The following TTC39B variants were observed in gnomAD, a reference collection of about 807,000 sequenced individuals.
TTC39B encodes tetratricopeptide repeat protein 39B.
A neutral mutation model predicts 96.6 loss-of-function variants in TTC39B; 92 were observed. The ratio of observed to expected loss-of-function variants is 0.95; its 90% CI spans 0.80 to 1.13. TTC39B has a LOEUF of 1.13. Among genes scored for constraint, TTC39B ranks in the 50% most tolerant of loss-of-function variants. The pLI is 0.00. For missense variants in TTC39B, 955 were observed against 809.3 expected (o/e 1.18, Z -2.18); for synonymous variants, 367 against 299.4 (o/e 1.23, Z -2.33).
chr9:15,258,764 C>T (rs10961941), intron 2 of TTC39B, among the ~76,000 whole-genome samples: 47,248 of 151,912 alleles, frequency 0.31, 10,738 homozygotes, highest in African/African-American at 0.65. Flanking sequence ...ACCCCAACCA[C>T]GACTCAGTCT....
exon 20 of TTC39B, chr9:15,165,621 T>G (rs1817503440): frequency 6.6e-6 from 1 of 152,174 alleles, no homozygotes; most frequent in Non-Finnish European, 1.5e-5. Context: ...CTTAGAATAA[T>G]GGCGGAAGGC....
intron 2 of TTC39B, among the ~76,000 whole-genome samples, chr9:15,228,253 C>A (rs1821234010): frequency 6.6e-6 from 1 of 152,132 alleles, no homozygotes; most frequent in Admixed American, 6.5e-5. Flanking sequence ...CACTTGAGGT[C>A]AGGAGTTTGA....
At chr9:15,216,680 C>A (rs1456506425) in intron 3 of TTC39B, among the ~76,000 whole-genome samples, 2 of 152,196 alleles carry the variant, frequency 1.3e-5, no homozygotes, top group African/African-American at 2.4e-5. Flanking sequence ...AGACCCATTT[C>A]TTTCCCCATC....
At chr9:15,250,597 T>C (rs910369706) in intron 2 of TTC39B, among the ~76,000 whole-genome samples, 2 of 152,316 alleles carry the variant, frequency 1.3e-5, no homozygotes, top group East Asian at 1.9e-4. Context: ...AACACATATA[T>C]GACATGACAG....
chr9:15,239,616 C>T (rs991784602), intron 2 of TTC39B, among the ~76,000 whole-genome samples: 1 of 152,164 alleles, frequency 6.6e-6, no homozygotes, highest in African/African-American at 2.4e-5. Flanking sequence ...TTTGCGGCAA[C>T]TTGAATGGCT....
chr9:15,237,624 T>C (rs758030519), intron 2 of TTC39B, among the ~76,000 whole-genome samples: 32 of 142,248 alleles, frequency 2.2e-4, no homozygotes, highest in Admixed American at 4.2e-4. Context: ...AAGTAAGTAA[T>C]GAAATTAAAC....
intron 17 of TTC39B, among the ~76,000 whole-genome samples, chr9:15,178,025 ACGCCCGGC>A (rs1209549538): frequency 6.6e-6 from 1 of 151,748 alleles, no homozygotes; most frequent in African/African-American, 2.4e-5. Context: ...GCCCACCACC[ACGCCCGGC>A]TAATTTTTTG....
intron 2 of TTC39B, among the ~76,000 whole-genome samples, chr9:15,240,820 A>T (rs936521470): frequency 1.3e-5 from 2 of 152,188 alleles, no homozygotes; most frequent in African/African-American, 4.8e-5. Context: ...TAAAAAAGTC[A>T]GTTCTTGAAT....
chr9:15,177,945 C>T (rs569206898), intron 17 of TTC39B, 131 bp from the exon 18 acceptor site: 1 of 494,748 alleles, frequency 2.0e-6, no homozygotes. Flanking sequence ...TCTCGGCTCA[C>T]TGCAAGCTCC....
At chr9:15,244,870 G>A (rs915714276) in intron 2 of TTC39B, among the ~76,000 whole-genome samples, 1 of 152,128 alleles carries the variant, frequency 6.6e-6, no homozygotes, top group South Asian at 2.1e-4. Flanking sequence ...AAAACAAAGA[G>A]TAACAAAGTT....
chr9:15,175,207 T>C (rs1817868817), intron 18 of TTC39B, 72 bp from the exon 19 acceptor site: 3 of 1,055,098 alleles, frequency 2.8e-6, no homozygotes, highest in Non-Finnish European at 4.3e-6. Flanking sequence ...ATATATATTA[T>C]TCCCATTCTT....
intron 1 of TTC39B, among the ~76,000 whole-genome samples, chr9:15,300,937 T>G (rs185017762): frequency 6.6e-6 from 1 of 151,784 alleles, no homozygotes; most frequent in East Asian, 1.9e-4. Flanking sequence ...GTTCCCATTT[T>G]TTAGGAGATA....
intron 1 of TTC39B, among the ~76,000 whole-genome samples, chr9:15,272,502 T>C (rs1242220872): frequency 1.3e-5 from 2 of 152,082 alleles, no homozygotes; most frequent in Admixed American, 1.3e-4. Flanking sequence ...GGTGTTTAGT[T>C]CCCTCCTTAA....
intron 2 of TTC39B, among the ~76,000 whole-genome samples, chr9:15,236,595 C>G (rs1017298272): frequency 1.3e-5 from 2 of 152,076 alleles, no homozygotes; most frequent in Non-Finnish European, 2.9e-5. Context: ...TCAATAAAAT[C>G]AAATAAATGA....
exon 20 of TTC39B, chr9:15,171,951 A>T: frequency 8.3e-7 from 1 of 1,206,798 alleles, no homozygotes. Context: ...TTTCCACTTT[A>T]ATATAAGGTT....
chr9:15,173,128 T>C (rs1475236559), intron 19 of TTC39B, among the ~76,000 whole-genome samples: 5 of 152,220 alleles, frequency 3.3e-5, no homozygotes, highest in Admixed American at 6.5e-5. Context: ...TTTTATCTTA[T>C]AAAGTTGCCT....
chr9:15,171,440 C>T (rs1817655012), exon 20 of TTC39B: 1 of 152,128 alleles, frequency 6.6e-6, no homozygotes, highest in African/African-American at 2.4e-5. Flanking sequence ...AAACCACTAA[C>T]TGAATACTGC....
chr9:15,221,157 C>T (rs191184141), intron 3 of TTC39B, among the ~76,000 whole-genome samples: 19 of 152,288 alleles, frequency 1.2e-4, no homozygotes, highest in African/African-American at 4.3e-4. Context: ...TCACAACACA[C>T]ATTGCCCCCT....
chr9:15,272,052 A>T (rs138824186), intron 1 of TTC39B, among the ~76,000 whole-genome samples: 5,117 of 152,226 alleles, frequency 0.034, 278 homozygotes, highest in African/African-American at 0.12. Context: ...TCTGTTCCAT[A>T]TCCCTACAGA....
Sources: allele counts gnomAD v4.1 joint callset (sites outside exome capture counted in the v4.1 genomes callset), GRCh38; gene constraint gnomAD v4.1.1; transcripts MANE v1.5; gene names NCBI Gene and HGNC (gene_info 2026-07-23, HGNC 2026-07-21).